CCSER1: variants seen among roughly 807,000 people sequenced by gnomAD.
The protein encoded by CCSER1 is serine-rich coiled-coil domain-containing protein 1.
CCSER1 carries 41 observed loss-of-function variants against 82.0 expected under a neutral mutation model. The observed-to-expected ratio is 0.50, with a 90% CI of 0.39 to 0.65. The LOEUF (loss-of-function observed/expected upper bound fraction) is 0.65. Ranked by LOEUF, CCSER1 falls within the 30% of genes least tolerant of loss-of-function variation. The pLI, the probability that CCSER1 is intolerant of heterozygous loss-of-function variation, is 0.00. For synonymous variants in CCSER1, 414 were observed against 383.9 expected (o/e 1.08, Z -0.92); for missense variants, 1,119 against 1,064.2 (o/e 1.05, Z -0.72).
At chr4:91,248,275 C>G (rs1739971380) in intron 10 of CCSER1, among the ~76,000 whole-genome samples, 1 of 152,156 alleles carries the variant, frequency 6.6e-6, no homozygotes, top group Non-Finnish European at 1.5e-5. Flanking sequence ...GTATTTATCC[C>G]TCAAGGAGAT....
chr4:90,702,483 T>A (rs1738367614), intron 6 of CCSER1, among the ~76,000 whole-genome samples: 1 of 152,194 alleles, frequency 6.6e-6, no homozygotes, highest in Non-Finnish European at 1.5e-5. Context: ...GATGCTGGCC[T>A]CAGAAAATGA....
At chr4:90,559,382 A>G (rs995265613) in intron 5 of CCSER1, among the ~76,000 whole-genome samples, 13 of 152,186 alleles carry the variant, frequency 8.5e-5, no homozygotes, top group Non-Finnish European at 1.3e-4. Context: ...TGCAAAGCAC[A>G]TCCAACAAAG....
intron 8 of CCSER1, among the ~76,000 whole-genome samples, chr4:90,855,121 C>G (rs571197999): frequency 5.6e-4 from 86 of 152,250 alleles, no homozygotes; most frequent in African/African-American, 2.0e-3. Flanking sequence ...CACCTCCCAC[C>G]AGGTCCCTCC....
chr4:90,807,800 G>T (rs1244587581), intron 7 of CCSER1, among the ~76,000 whole-genome samples: 1 of 152,054 alleles, frequency 6.6e-6, no homozygotes, highest in Non-Finnish European at 1.5e-5. Context: ...AATCAAAATT[G>T]TGAAAATGAC....
At chr4:91,060,605 A>AT (rs1479436520) in intron 9 of CCSER1, among the ~76,000 whole-genome samples, 2 of 151,932 alleles carry the variant, frequency 1.3e-5, no homozygotes, top group Admixed American at 1.3e-4. Flanking sequence ...GTTCTACTTC[A>AT]TTTATTCTTG....
chr4:90,473,569 C>T (rs1409398802), intron 5 of CCSER1, among the ~76,000 whole-genome samples: 3 of 152,226 alleles, frequency 2.0e-5, no homozygotes, highest in African/African-American at 2.4e-5. Context: ...TTAGTACAAA[C>T]GTCTCATTTT....
rs1736999033 is a variant in CCSER1, at chr4:90,696,393, T to C, written c.1933-27521T>C. 3.1e-5 allele frequency among the ~76,000 whole-genome samples: 4 copies of C among 127,608 alleles called. 1 individual carries two copies. The South Asian group carries it at 9.9e-4, about 31-fold the overall frequency. The allele number at this position is 127,608 out of a possible 152,430, so 83.7% of individuals were successfully genotyped here. On this transcript the variant is annotated intron_variant, in intron 6 of 10. Coordinates refer to ENST00000509176, the MANE Select transcript of CCSER1 (RefSeq NM_001145065.2). ...TACTATAGTTAAAATAATGAGAAAC[T>C]GGTAATTTTTTTTTAATGCCATGAA...
chr4:91,457,847 A>AT (rs1756276447), intron 10 of CCSER1, among the ~76,000 whole-genome samples: 1 of 152,192 alleles, frequency 6.6e-6, no homozygotes, highest in African/African-American at 2.4e-5. Context: ...AAGAATGGTA[A>AT]CACATTAATT....
At chr4:90,384,682 A>G (rs535614439) in intron 3 of CCSER1, among the ~76,000 whole-genome samples, 66 of 152,240 alleles carry the variant, frequency 4.3e-4, no homozygotes, top group African/African-American at 1.6e-3. Flanking sequence ...TGTTCCAGTC[A>G]TCCAAGGCTT....
chr4:91,573,067 G>A, intron 10 of CCSER1, among the ~76,000 whole-genome samples: 1 of 152,194 alleles, frequency 6.6e-6, no homozygotes, highest in East Asian at 1.9e-4. Context: ...TCCCAGTGAG[G>A]TGGAACGGGA....
At chr4:90,405,695 G>C (rs1361423659) in intron 4 of CCSER1, among the ~76,000 whole-genome samples, 2 of 152,134 alleles carry the variant, frequency 1.3e-5, no homozygotes, top group Admixed American at 1.3e-4. Context: ...AGAAGGGATT[G>C]GGTTCTATTT....
chr4:90,734,611 A>C (rs1391625807), intron 7 of CCSER1, among the ~76,000 whole-genome samples: 4 of 152,084 alleles, frequency 2.6e-5, no homozygotes, highest in Non-Finnish European at 4.4e-5. Context: ...CAATTTTCAC[A>C]ATTTTCAAAT....
chr4:91,143,301 G>A (rs1729215345), intron 10 of CCSER1, among the ~76,000 whole-genome samples: 1 of 151,632 alleles, frequency 6.6e-6, no homozygotes, highest in South Asian at 2.1e-4. Flanking sequence ...TTGGCGTATA[G>A]AAATGTTAAA....
intron 9 of CCSER1, among the ~76,000 whole-genome samples, chr4:90,950,822 G>A (rs1478245686): frequency 6.6e-6 from 1 of 152,086 alleles, no homozygotes; most frequent in Non-Finnish European, 1.5e-5. Context: ...TTGGAGCAGA[G>A]CTAACATGCT....
chr4:91,139,890 A>C (rs1728865172), intron 10 of CCSER1, among the ~76,000 whole-genome samples: 1 of 152,162 alleles, frequency 6.6e-6, no homozygotes, highest in Admixed American at 6.5e-5. Flanking sequence ...AGTTTGCTTT[A>C]CAGCTTCTTA....
chr4:90,223,791 A>G (rs1283061726), intron 1 of CCSER1, among the ~76,000 whole-genome samples: 1 of 152,232 alleles, frequency 6.6e-6, no homozygotes, highest in Non-Finnish European at 1.5e-5. Context: ...TGGGTCAAAG[A>G]AACTTGCTCA....
At chr4:90,776,060 A>G (rs917350215) in intron 7 of CCSER1, among the ~76,000 whole-genome samples, 4 of 152,150 alleles carry the variant, frequency 2.6e-5, no homozygotes, top group African/African-American at 9.7e-5. Flanking sequence ...GGGTTAGGCT[A>G]GAGCAGTGTA....
chr4:90,714,533 G>T (rs58243118), intron 6 of CCSER1, among the ~76,000 whole-genome samples: 9,388 of 151,890 alleles, frequency 0.062, 723 homozygotes, highest in African/African-American at 0.18. Flanking sequence ...TGCCACAATT[G>T]GTTCAGATCC....
intron 8 of CCSER1, among the ~76,000 whole-genome samples, chr4:90,860,178 T>C (rs1484955235): frequency 6.6e-6 from 1 of 151,682 alleles, no homozygotes; most frequent in African/African-American, 2.4e-5. Flanking sequence ...AACCTAGTTT[T>C]AAAATGGGCA....
Sources: gnomAD v4.1 joint callset for allele counts (sites outside exome capture counted in the v4.1 genomes callset) on GRCh38, gnomAD v4.1.1 for gene constraint, MANE v1.5 for transcripts, NCBI Gene and HGNC (gene_info 2026-07-23, HGNC 2026-07-21) for gene names.